Variants in ZSWIM4 observed in about 807,000 individuals in gnomAD.
ZSWIM4 encodes zinc finger SWIM-type containing 4, also known as zinc finger SWIM domain-containing protein 4.
In ZSWIM4, 62 loss-of-function variants were observed where a neutral mutation model predicts 102.5. The observed-to-expected ratio is 0.60, with a 90% CI of 0.49 to 0.75. The LOEUF (loss-of-function observed/expected upper bound fraction) is 0.75. ZSWIM4 is among the 30% of genes least tolerant of loss of function. ZSWIM4 has a pLI of 0.00. For missense variants in ZSWIM4, 1,280 were observed against 1,529.6 expected, an observed-to-expected ratio of 0.84 and a Z score of 2.72; for synonymous variants, 652 against 674.5, an observed-to-expected ratio of 0.97 and a Z score of 0.52.
intron 1 of ZSWIM4, among the ~76,000 whole-genome samples, chr19:13,797,989 T>C (rs1974656627): frequency 6.6e-6 from 1 of 152,182 alleles, no homozygotes; most frequent in Non-Finnish European, 1.5e-5. Context: ...AGCTTACGAA[T>C]TTGTGTTGGC....
At chr19:13,817,433 A>G (rs1975323776) in intron 8 of ZSWIM4, 80 bp downstream of exon 8, 2 of 1,541,412 alleles carry the variant, frequency 1.3e-6, no homozygotes, top group Non-Finnish European at 1.8e-6. Flanking sequence ...TACCCCTATA[A>G]GGTAACTCCC....
chr19:13,800,346 A>G (rs1437918855), intron 2 of ZSWIM4, among the ~76,000 whole-genome samples: 1 of 134,922 alleles, frequency 7.4e-6, no homozygotes, highest in Non-Finnish European at 1.5e-5. Context: ...GCTCACTGCA[A>G]GCTCCGCCTC....
intron 10 of ZSWIM4, among the ~76,000 whole-genome samples, chr19:13,819,847 GT>G (rs869187893): frequency 4.6e-4 from 49 of 106,644 alleles, no homozygotes; most frequent in Non-Finnish European, 4.6e-4. Flanking sequence ...TTTGTTTTTT[GT>G]TTTTTTTTTT....
chr19:13,798,932 G>C (rs1266270107), intron 1 of ZSWIM4, among the ~76,000 whole-genome samples: 2 of 152,118 alleles, frequency 1.3e-5, no homozygotes, highest in Non-Finnish European at 2.9e-5. Flanking sequence ...GAGATTATAG[G>C]TGCATGCCAC....
chr19:13,818,194 T>A (rs1335670564), intron 9 of ZSWIM4, among the ~76,000 whole-genome samples: 1 of 152,160 alleles, frequency 6.6e-6, no homozygotes, highest in Non-Finnish European at 1.5e-5. Flanking sequence ...CAGCAACTGC[T>A]GCGTGTGCTG....
chr19:13,820,646 G>A (rs1015132266), intron 10 of ZSWIM4, among the ~76,000 whole-genome samples: 1 of 152,168 alleles, frequency 6.6e-6, no homozygotes, highest in East Asian at 1.9e-4. Context: ...AGATCTCTCC[G>A]GATGCAAGCA....
At chr19:13,822,330 G>T (rs1975490146) in intron 10 of ZSWIM4, among the ~76,000 whole-genome samples, 1 of 151,972 alleles carries the variant, frequency 6.6e-6, no homozygotes, top group Admixed American at 6.6e-5. Context: ...GCCTAATTTG[G>T]CCAACCACCT....
At chr19:13,820,681 T>A (rs1354651531) in intron 10 of ZSWIM4, among the ~76,000 whole-genome samples, 1 of 152,252 alleles carries the variant, frequency 6.6e-6, no homozygotes, top group African/African-American at 2.4e-5. Flanking sequence ...GTGTCTATCC[T>A]GCAAGAATTG....
chr19:13,825,457 G>T lies in ZSWIM4; in HGVS notation c.2216-93G>T. 6.9e-7 allele frequency: 1 copy of T among 1,454,092 alleles called. No homozygotes were observed. The highest frequency in any genetic ancestry group is 9.5e-7 in the Non-Finnish European group (1 of 1,056,466). 90.1% of individuals were successfully genotyped at this position (1,454,092 alleles called of 1,614,324 possible). A position where few individuals can be genotyped will look rare whatever the true frequency, so the allele number is the denominator to read the frequency against. ...CCTCCACACTCACACATGTGCCCCT[G>T]GGTGGAAGGATCTGTGTGAACAGGT... On this transcript the variant is annotated intron_variant, in intron 11 of 13. Transcript: ENST00000590508. This position sits in a 1 kb window ranked among gnomAD's most constrained non-coding sequence, Gnocchi z 4.6.
In ZSWIM4 at chr19:13,825,382, TA is replaced by T. The variant is rs144896980; in HGVS notation, c.2216-167del. ...CAGAGAGGAGATAATTGGCAAGGGC[TA>T]GGGGCACTGAGGTCTGAATCTTCAC... On this transcript the variant is annotated intron_variant, in intron 11 of 13. Transcript: ENST00000590508. The surrounding 1 kb of genome is among the most constrained non-coding windows in gnomAD (Gnocchi z 4.6). Among the ~76,000 whole-genome samples the T allele has an allele frequency of 0.012, 1,811 of 152,208 alleles. 32 individuals carry two copies. Among genetic ancestry groups the T allele is most frequent in the African/African-American group, 0.042 (1,729 of 41,514 alleles).
chr19:13,818,039 G>C, intron 9 of ZSWIM4, 63 bp downstream of exon 9: 1 of 1,429,336 alleles, frequency 7.0e-7, no homozygotes, highest in South Asian at 1.5e-5. Flanking sequence ...TGGTCCTGTA[G>C]CGGCCCGGTT....
At chr19:13,819,550 T>TG (rs967240407) in intron 10 of ZSWIM4, 58 bp downstream of exon 10, 14 of 1,444,038 alleles carry the variant, frequency 9.7e-6, no homozygotes, top group Admixed American at 2.0e-5. Context: ...GGGGCGGGCA[T>TG]GGGGGGTAGC....
At chr19:13,798,189 T>C (rs1244887024) in intron 1 of ZSWIM4, among the ~76,000 whole-genome samples, 1 of 152,072 alleles carries the variant, frequency 6.6e-6, no homozygotes, top group African/African-American at 2.4e-5. Flanking sequence ...AAACAATGAT[T>C]GCGCAATGAC....
intron 13 of ZSWIM4, among the ~76,000 whole-genome samples, chr19:13,829,043 A>G (rs1465973955): frequency 6.6e-6 from 1 of 151,610 alleles, no homozygotes; most frequent in Non-Finnish European, 1.5e-5. Flanking sequence ...GGTCAACGCT[A>G]CAGTTAGCCA....
chr19:13,827,204 T>C (rs113511022), intron 12 of ZSWIM4, among the ~76,000 whole-genome samples: 3,994 of 150,808 alleles, frequency 0.026, 166 homozygotes, highest in African/African-American at 0.093. Flanking sequence ...AGAGGATCGC[T>C]TGAGGCCAGG....
chr19:13,813,043 G>A lies in ZSWIM4; in HGVS notation c.1059G>A (p.Glu353=). The part of the protein sequence containing the change: ...CVVLSPHCKP[E]ERAGWLQLLS... ...TCCTGAGCCCCCACTGCAAACCAGA[G>A]GAAAGGGCAGGCTGGCTCCAGCTAC... is the stretch of plus-strand genomic sequence containing the variant. The change falls in exon 6 of 14, where the codon GAG becomes GAA. Residue 353 remains glutamate (E), a synonymous_variant. Transcript: ENST00000590508. 6.2e-7 allele frequency: 1 copy of A among 1,613,960 alleles called. No individual in the cohort carries two copies. Among genetic ancestry groups the A allele is most frequent in the South Asian group, 1.1e-5 (1 of 91,062 alleles).
At position 13,819,535 on chromosome 19, in the gene ZSWIM4, G is replaced by A. The variant is rs536935637; in HGVS notation, c.2060+43G>A. The A allele has an allele frequency of 3.8e-6, 5 of 1,317,794 alleles. No homozygotes were observed. The African/African-American group carries it at 5.9e-5, about 16-fold the overall frequency. The allele number at this position is 1,317,794 out of a possible 1,614,324, so 81.6% of individuals were successfully genotyped here. ...AGGCAGTGGCAGGGGGAGCTGGGGGGAAGAGGGGCGGGCATGGGGGGTAGC... is the reference window on the plus strand; with the variant it reads ...AGGCAGTGGCAGGGGGAGCTGGGGGAAAGAGGGGCGGGCATGGGGGGTAGC... On this transcript the variant is annotated intron_variant, in intron 10 of 13. Coordinates refer to ENST00000590508, the MANE Select transcript of ZSWIM4 (RefSeq NM_001367834.3).
intron 10 of ZSWIM4, among the ~76,000 whole-genome samples, chr19:13,821,056 G>C (rs947220308): frequency 8.5e-5 from 13 of 152,176 alleles, no homozygotes; most frequent in African/African-American, 2.9e-4. Context: ...GGCCAAGGCG[G>C]ACGGATCACC....
intron 2 of ZSWIM4, among the ~76,000 whole-genome samples, chr19:13,804,102 G>A (rs1231217706): frequency 2.0e-5 from 3 of 151,528 alleles, no homozygotes; most frequent in Admixed American, 1.3e-4. Context: ...GACCTCAGGT[G>A]ATCTACCAGC....
Sources: allele counts gnomAD v4.1 joint callset (sites outside exome capture counted in the v4.1 genomes callset), GRCh38; gene constraint gnomAD v4.1.1; non-coding constraint Gnocchi (gnomAD v3.1); transcripts MANE v1.5; gene names NCBI Gene and HGNC (gene_info 2026-07-23, HGNC 2026-07-21).